CAMK2D: variants seen among roughly 807,000 people sequenced by gnomAD.
The protein encoded by CAMK2D is calcium/calmodulin dependent protein kinase II delta.
A neutral mutation model predicts 84.0 loss-of-function variants in CAMK2D; 37 were observed. The observed-to-expected ratio is 0.44, with a 90% CI of 0.34 to 0.58. CAMK2D has a LOEUF of 0.58. CAMK2D is among the 20% of genes least tolerant of loss of function. The probability of loss-of-function intolerance (pLI) is 0.02; values close to 1 mark genes in which losing one functional copy is unlikely to be tolerated. For synonymous variants in CAMK2D, 202 were observed against 212.5 expected, an observed-to-expected ratio of 0.95 and a Z score of 0.43; for missense variants, 448 against 652.5, an observed-to-expected ratio of 0.69 and a Z score of 3.41.
chr4:113,721,749 C>G (rs116038972), intron 2 of CAMK2D, among the ~76,000 whole-genome samples: 1,770 of 152,240 alleles, frequency 0.012, 24 homozygotes, highest in African/African-American at 0.035. Flanking sequence ...GGCTTCTAAT[C>G]CCAGCAGAGA....
chr4:113,581,529 A>AAAAAAAAAAAAG (rs373642282), intron 4 of CAMK2D, among the ~76,000 whole-genome samples: 7 of 121,872 alleles, frequency 5.7e-5, no homozygotes, highest in African/African-American at 2.3e-4. Context: ...AAAAAAAAAA[A>AAAAAAAAAAAAG]AAAAGAAAAG....
chr4:113,603,631 C>A (rs1473101693), intron 4 of CAMK2D, among the ~76,000 whole-genome samples: 3 of 149,656 alleles, frequency 2.0e-5, no homozygotes, highest in Non-Finnish European at 4.4e-5. Context: ...ACTACTAATG[C>A]CTTATTGTTA....
chr4:113,454,071 A>AT lies in CAMK2D; in HGVS notation c.*473dup, dbSNP rs34741667. 605 of 129,386 alleles carry AT rather than the reference A, an allele frequency of 4.7e-3. 8 individuals carry two copies. The highest frequency in any genetic ancestry group is 6.5e-3 in the African/African-American group (202 of 31,140). The allele number at this position is 129,386 out of a possible 1,614,324, so 8.0% of individuals were successfully genotyped here. On this transcript the variant is annotated 3_prime_UTR_variant, in exon 21 of 21. Transcript: ENST00000511664. ...GATCACACCAGGAAACTGAAGGTGT[A>AT]TTTTTTTTTTACCTTAAAAAAAAAA...
In CAMK2D at chr4:113,686,927, C is replaced by A. The variant is rs192798946; in HGVS notation, c.161-25155G>T. 2.2e-3 allele frequency among the ~76,000 whole-genome samples: 329 copies of A among 151,800 alleles called. 2 individuals are homozygous for A. The highest frequency in any genetic ancestry group is 7.6e-3 in the African/African-American group (316 of 41,374). On this transcript the variant is annotated intron_variant, in intron 2 of 20. Coordinates refer to ENST00000511664, the MANE Select transcript of CAMK2D (RefSeq NM_001321571.2). The stretch of plus-strand genomic sequence containing the variant: ...TTGCTCAATTTTAAAATAAAGATAT[C>A]TTTTAAAAATAATATAGGTAGAAGG...
chr4:113,572,448 TA>T (rs965186196), intron 4 of CAMK2D, among the ~76,000 whole-genome samples: 18 of 144,934 alleles, frequency 1.2e-4, no homozygotes, highest in Admixed American at 2.8e-4. Flanking sequence ...AATTTTTATT[TA>T]AAAAAAAAAA....
intron 8 of CAMK2D, among the ~76,000 whole-genome samples, chr4:113,522,689 T>A (rs1345051414): frequency 1.3e-5 from 2 of 152,166 alleles, no homozygotes; most frequent in Non-Finnish European, 2.9e-5. Context: ...ACAATTACTA[T>A]AAAAGAGCAA....
At chr4:113,754,178 T>G in intron 2 of CAMK2D, 1 of 942,366 alleles carries the variant, frequency 1.1e-6, no homozygotes, top group Non-Finnish European at 1.3e-6. Flanking sequence ...CTATTGTAAC[T>G]TAAAATCTTT....
At chr4:113,596,681 C>A (rs980377589) in intron 4 of CAMK2D, among the ~76,000 whole-genome samples, 1 of 151,852 alleles carries the variant, frequency 6.6e-6, no homozygotes, top group Non-Finnish European at 1.5e-5. Flanking sequence ...TTCTTCCCCC[C>A]CAGGCAGTAG....
chr4:113,577,809 G>C (rs905558412), intron 4 of CAMK2D, among the ~76,000 whole-genome samples: 1 of 150,342 alleles, frequency 6.7e-6, no homozygotes, highest in African/African-American at 2.5e-5. Flanking sequence ...TAAATGTTGT[G>C]CCATGGCATA....
chr4:113,611,445 A>G (rs2099000038), intron 3 of CAMK2D, among the ~76,000 whole-genome samples: 1 of 152,210 alleles, frequency 6.6e-6, no homozygotes, highest in Non-Finnish European at 1.5e-5. Context: ...TATCAAAGTT[A>G]AACTGAAAAG....
At chr4:113,590,593 T>C (rs2098868225) in intron 4 of CAMK2D, among the ~76,000 whole-genome samples, 1 of 152,200 alleles carries the variant, frequency 6.6e-6, no homozygotes, top group South Asian at 2.1e-4. Flanking sequence ...TCATAAATTA[T>C]AATTTTCTTC....
At chr4:113,615,040 A>T (rs142603818) in intron 3 of CAMK2D, among the ~76,000 whole-genome samples, 183 of 152,264 alleles carry the variant, frequency 1.2e-3, no homozygotes, top group African/African-American at 4.4e-3. Flanking sequence ...AATGAGGCAG[A>T]ATTTGCATTT....
At chr4:113,619,863 C>T (rs1241991990) in intron 3 of CAMK2D, among the ~76,000 whole-genome samples, 3 of 151,896 alleles carry the variant, frequency 2.0e-5, no homozygotes, top group African/African-American at 4.8e-5. Context: ...GTCTGTTGAC[C>T]GCTGGAGTAG....
At chr4:113,723,962 A>G (rs2099538590) in intron 2 of CAMK2D, among the ~76,000 whole-genome samples, 1 of 152,132 alleles carries the variant, frequency 6.6e-6, no homozygotes, top group East Asian at 1.9e-4. Context: ...TATCAGGGTA[A>G]GACTTTTGTT....
At chr4:113,725,389 A>G (rs1449233111) in intron 2 of CAMK2D, among the ~76,000 whole-genome samples, 3 of 152,234 alleles carry the variant, frequency 2.0e-5, no homozygotes, top group South Asian at 4.1e-4. Flanking sequence ...ACTCTAGCCT[A>G]TCGAATTTTA....
chr4:113,580,078 A>AT (rs1187147935), intron 4 of CAMK2D, among the ~76,000 whole-genome samples: 9 of 152,130 alleles, frequency 5.9e-5, no homozygotes, highest in Non-Finnish European at 7.4e-5. Context: ...ATACTATCTC[A>AT]TTTTTTCTAA....
Position 113,548,556 on chromosome 4 carries a change from G to A in CAMK2D, c.342-840C>T, listed in dbSNP as rs974565765. On this transcript the variant is annotated intron_variant, in intron 5 of 20. Transcript: ENST00000511664. ...ATTTACTCATTTTAGAAACAAGTTG[G>A]GAAAGGCAAGGGAACCATTTTAAAT... 3.4e-5 allele frequency: 20 copies of A among 580,906 alleles called. No individual in the cohort carries two copies. The South Asian group carries it at 4.3e-4, about 13-fold the overall frequency. 36.0% of individuals were successfully genotyped at this position (580,906 alleles called of 1,614,324 possible). A position where few individuals can be genotyped will look rare whatever the true frequency, so the allele number is the denominator to read the frequency against.
At chr4:113,652,399 G>A (rs77733228) in intron 3 of CAMK2D, among the ~76,000 whole-genome samples, 1,782 of 151,340 alleles carry the variant, frequency 0.012, 43 homozygotes, top group African/African-American at 0.04. Flanking sequence ...TTTCTAATTC[G>A]GCCTACTTCA....
At chr4:113,602,210 G>C (rs757833018) in intron 4 of CAMK2D, among the ~76,000 whole-genome samples, 1 of 151,868 alleles carries the variant, frequency 6.6e-6, no homozygotes, top group East Asian at 1.9e-4. Flanking sequence ...CGTGGCAAAC[G>C]TTGTATTGTA....
Sources: allele counts gnomAD v4.1 joint callset (sites outside exome capture counted in the v4.1 genomes callset), GRCh38; gene constraint gnomAD v4.1.1; transcripts MANE v1.5; gene names NCBI Gene and HGNC (gene_info 2026-07-23, HGNC 2026-07-21).